Variants in ZNF280B observed in about 807,000 individuals in gnomAD.
The protein encoded by ZNF280B is suppressor of hairy wing homolog 2.
A neutral mutation model predicts 38.0 loss-of-function variants in ZNF280B; 16 were observed. The ratio of observed to expected loss-of-function variants is 0.42; its 90% CI spans 0.28 to 0.64. The LOEUF is 0.64. Among genes scored for constraint, ZNF280B ranks in the 30% least tolerant of loss-of-function variants. The pLI, the probability that ZNF280B is intolerant of heterozygous loss-of-function variation, is 0.21. For missense variants in ZNF280B, 581 were observed against 639.6 expected (o/e 0.91, Z 0.99); for synonymous variants, 253 against 230.6 (o/e 1.10, Z -0.88).
chr22:22,507,749 G>A (rs1322981080), intron 2 of ZNF280B, 61 bp downstream of exon 2: 1 of 151,888 alleles, frequency 6.6e-6, no homozygotes, highest in East Asian at 2.0e-4. Flanking sequence ...GGGCAGGGGA[G>A]CGAAACTGAA....
chr22:22,500,266 G>C (rs75937630), intron 2 of ZNF280B, among the ~76,000 whole-genome samples: 1 of 151,748 alleles, frequency 6.6e-6, no homozygotes, highest in African/African-American at 2.4e-5. Flanking sequence ...GCAGGGTCTC[G>C]AAGAGATACT....
At chr22:22,501,035 A>AAAAAAAAAAAAAAAAAAAAAAC (rs2061810962) in intron 2 of ZNF280B, among the ~76,000 whole-genome samples, 3 of 140,316 alleles carry the variant, frequency 2.1e-5, no homozygotes, top group African/African-American at 8.3e-5. Flanking sequence ...AAAAAAAAAA[A>AAAAAAAAAAAAAAAAAAAAAAC]AAAAAACAAA....
intron 2 of ZNF280B, among the ~76,000 whole-genome samples, chr22:22,498,703 G>T (rs1339252823): frequency 6.7e-6 from 1 of 149,284 alleles, no homozygotes; most frequent in East Asian, 2.0e-4. Context: ...AGAAAACTTT[G>T]CACATCTTTC....
Position 22,488,761 on chromosome 22 carries a change from G to A in ZNF280B, c.638C>T (p.Thr213Ile), listed in dbSNP as rs1342489590. The A allele has an allele frequency of 1.2e-6, 2 of 1,613,860 alleles. No individual in the cohort carries two copies. The highest frequency in any genetic ancestry group is 8.5e-7 in the Non-Finnish European group (1 of 1,179,966). ...FPSDTFHTMN[T>I]QQSTPSNNVH... ...ATTATTTGAGGGTGTACTTTGCTGA[G>A]TATTCATTGTATGAAAGGTATCTGA... Residue 213 changes from threonine to isoleucine, a missense_variant, in exon 4 of 4, where the codon ACT becomes ATT. Coordinates refer to ENST00000626650, the MANE Select transcript of ZNF280B (RefSeq NM_080764.4).
rs188935743 is a variant in ZNF280B, at chr22:22,485,040, G to C, written c.*2727C>G. 1.3e-5 allele frequency: 2 copies of C among 152,410 alleles called. No individual in the cohort carries two copies. The highest frequency in any genetic ancestry group is 3.9e-4 in the East Asian group (2 of 5,070). 9.4% of individuals were successfully genotyped at this position (152,410 alleles called of 1,614,324 possible). A position where few individuals can be genotyped will look rare whatever the true frequency, so the allele number is the denominator to read the frequency against. ...CTTTGGATTGGGAAGAATGTGATTT[G>C]CTTAAGGAATAGCAAGGCCAGTGTG... On this transcript the variant is annotated 3_prime_UTR_variant, in exon 4 of 4. Transcript: ENST00000626650.
intron 2 of ZNF280B, among the ~76,000 whole-genome samples, chr22:22,499,854 G>GA (rs1205768816): frequency 3.3e-5 from 5 of 151,848 alleles, no homozygotes; most frequent in African/African-American, 1.2e-4. Context: ...AATTAGGCAA[G>GA]AAAAGGAAGC....
chr22:22,505,397 C>A (rs560733080), intron 2 of ZNF280B, among the ~76,000 whole-genome samples: 1 of 151,706 alleles, frequency 6.6e-6, no homozygotes, highest in South Asian at 2.1e-4. Context: ...GAAACCCCGT[C>A]TCTACTAAAA....
chr22:22,497,909 T>A (rs4619723), intron 2 of ZNF280B, among the ~76,000 whole-genome samples: 22,547 of 151,834 alleles, frequency 0.15, 1,963 homozygotes, highest in South Asian at 0.29. Context: ...ACATGTATAC[T>A]TGTTTATAGC....
At position 22,488,031 on chromosome 22, in the gene ZNF280B, T is replaced by A; in HGVS notation, c.1368A>T (p.Gly456=). The A allele has an allele frequency of 1.2e-6, 2 of 1,613,900 alleles. No homozygotes were observed. The change falls in exon 4 of 4, where the codon GGA becomes GGT. Residue 456 remains glycine (G), a synonymous_variant. Transcript: ENST00000626650. ...ACTTGGAACACTGGTGTGCACTCTT[T>A]CCCCAGTGGCCCCTATAATGACACA... ...PYMCHYRGHW[G]KSAHQCSKCR...
In ZNF280B at chr22:22,487,628, T is replaced by A; in HGVS notation, c.*139A>T. Reference sequence around the variant, plus strand: ...CAGATCAAATAATATATATCCTGAATCTTGTTTAAAAAGTCATATATAATC... The same window carrying A: ...CAGATCAAATAATATATATCCTGAAACTTGTTTAAAAAGTCATATATAATC... On this transcript the variant is annotated 3_prime_UTR_variant, in exon 4 of 4. Transcript: ENST00000626650. 1 of 652,218 alleles carries A rather than the reference T, an allele frequency of 1.5e-6. No homozygotes were observed. Among genetic ancestry groups the A allele is most frequent in the Non-Finnish European group, 2.5e-6 (1 of 401,452 alleles). 40.4% of individuals were successfully genotyped at this position (652,218 alleles called of 1,614,324 possible).
Position 22,486,897 on chromosome 22 carries a change from T to C in ZNF280B, c.*870A>G, listed in dbSNP as rs557935710. On this transcript the variant is annotated 3_prime_UTR_variant, in exon 4 of 4. Coordinates refer to ENST00000626650, the MANE Select transcript of ZNF280B (RefSeq NM_080764.4). ...TGGTCTCTGCTCACGCAGCAGCTTCTCTTTCAATTCCACATCCTGGCTTTT... is the reference window on the plus strand; with the variant it reads ...TGGTCTCTGCTCACGCAGCAGCTTCCCTTTCAATTCCACATCCTGGCTTTT... 1 of 152,126 alleles carries C rather than the reference T, an allele frequency of 6.6e-6. No individual in the cohort carries two copies. The highest frequency in any genetic ancestry group is 6.6e-5 in the Admixed American group (1 of 15,258). The allele number at this position is 152,126 out of a possible 1,614,324, so 9.4% of individuals were successfully genotyped here.
At chr22:22,508,444 C>G (rs956902889) in intron 1 of ZNF280B, among the ~76,000 whole-genome samples, 7 of 151,728 alleles carry the variant, frequency 4.6e-5, no homozygotes, top group Admixed American at 3.9e-4. Flanking sequence ...GTAAAAGTGG[C>G]GCCCGCTGAG....
At position 22,488,263 on chromosome 22, in the gene ZNF280B, T is replaced by C. The variant is rs1183905906; in HGVS notation, c.1136A>G (p.Glu379Gly). 6.2e-7 allele frequency: 1 copy of C among 1,613,832 alleles called. No homozygotes were observed. The highest frequency in any genetic ancestry group is 1.7e-5 in the Admixed American group (1 of 59,974). Residue 379 changes from glutamate (E) to glycine (G), a missense_variant, in exon 4 of 4, where the codon GAA (glutamate) becomes GGA (glycine). Glu to Gly is a moderately conservative substitution (Grantham distance 98, BLOSUM62 -2). Transcript: ENST00000626650. ...QEPSTVCKIC[E>G]LSFETDQVLL... ...GACCTGATCTGTTTCAAATGACAAT[T>C]CACAGATTTTACAGACAGTAGAGGG...
At position 22,488,192 on chromosome 22, in the gene ZNF280B, A is replaced by G. The variant is rs1569172681; in HGVS notation, c.1207T>C (p.Tyr403His). The change falls in exon 4 of 4, where the codon TAT becomes CAT. Residue 403 changes from tyrosine to histidine, a missense_variant. Physicochemically the swap from Tyr to His is moderately conservative, Grantham distance 83. Coordinates refer to ENST00000626650, the MANE Select transcript of ZNF280B (RefSeq NM_080764.4). Reference protein sequence around the residue: ...KDHHKPGEMPYVCQVCHYRSS... With the variant: ...KDHHKPGEMPHVCQVCHYRSS... ...CTATAATGGCAAACCTGGCACACAT[A>G]GGGCATTTCGCCAGGCTTATGATGG... 3.7e-6 allele frequency: 6 copies of G among 1,613,932 alleles called. No individual in the cohort carries two copies. The highest frequency in any genetic ancestry group is 5.1e-6 in the Non-Finnish European group (6 of 1,179,986).
intron 2 of ZNF280B, among the ~76,000 whole-genome samples, chr22:22,498,686 AGAG>A (rs1375831669): frequency 2.6e-5 from 4 of 151,896 alleles, no homozygotes; most frequent in East Asian, 3.9e-4. Flanking sequence ...AAAAATTAGA[AGAG>A]GAGAGAAAAC....
rs2146881717 is a variant in ZNF280B, at chr22:22,508,695, AC to A, written c.-285del. On this transcript the variant is annotated 5_prime_UTR_variant, in exon 1 of 4. Coordinates refer to ENST00000626650, the MANE Select transcript of ZNF280B (RefSeq NM_080764.4). The stretch of plus-strand genomic sequence containing the variant: ...AGCTGCTGTTCGCGAGCTGCCGGCC[AC>A]GCACCAGCCCCGGAGGCGCTCCCGG... 6.6e-6 allele frequency: 1 copy of A among 151,914 alleles called. No homozygotes were observed. The highest frequency in any genetic ancestry group is 2.1e-4 in the South Asian group (1 of 4,810). The allele number at this position is 151,914 out of a possible 1,614,324, so 9.4% of individuals were successfully genotyped here.
At chr22:22,501,416 T>C (rs1316708966) in intron 2 of ZNF280B, among the ~76,000 whole-genome samples, 1 of 151,392 alleles carries the variant, frequency 6.6e-6, no homozygotes, top group East Asian at 2.0e-4. Context: ...AATACAAAAA[T>C]TAGCCGGCAT....
rs1419007026 is a variant in ZNF280B, at chr22:22,486,237, G to C, written c.*1530C>G. The C allele has an allele frequency of 1.3e-5, 2 of 151,952 alleles. No homozygotes were observed. Among genetic ancestry groups the C allele is most frequent in the Non-Finnish European group, 2.9e-5 (2 of 68,008 alleles). The allele number at this position is 151,952 out of a possible 1,614,324, so 9.4% of individuals were successfully genotyped here. On this transcript the variant is annotated 3_prime_UTR_variant, in exon 4 of 4. Transcript: ENST00000626650. ...TTGCAAGCTTCACATGTTCAATTAGGGTAAGATATATATGCACAGAAAAAT... is the reference window on the plus strand; with the variant it reads ...TTGCAAGCTTCACATGTTCAATTAGCGTAAGATATATATGCACAGAAAAAT...
Position 22,485,287 on chromosome 22 carries a change from A to G in ZNF280B, c.*2480T>C, listed in dbSNP as rs1316336027. ...CTAAAACACTTCATATTTTTACCAC[A>G]GAAACAGAATACGGGAGGTAAGTAT... On this transcript the variant is annotated 3_prime_UTR_variant, in exon 4 of 4. Coordinates refer to ENST00000626650, the MANE Select transcript of ZNF280B (RefSeq NM_080764.4). 6.6e-6 allele frequency: 1 copy of G among 152,004 alleles called. No individual in the cohort carries two copies. The allele number at this position is 152,004 out of a possible 1,614,324, so 9.4% of individuals were successfully genotyped here.
Sources: allele counts gnomAD v4.1 joint callset (sites outside exome capture counted in the v4.1 genomes callset), GRCh38; gene constraint gnomAD v4.1.1; transcripts MANE v1.5; gene names NCBI Gene and HGNC (gene_info 2026-07-23, HGNC 2026-07-21).